The following SUSD6 variants were observed in gnomAD, a reference collection of about 807,000 sequenced individuals.
The protein encoded by SUSD6 is sushi domain-containing protein 6.
Under a neutral mutation model 28.4 loss-of-function variants are expected in SUSD6, and 16 were observed. The observed-to-expected ratio is 0.56, with a 90% CI of 0.38 to 0.86. The LOEUF is 0.86. Ranked by LOEUF, SUSD6 falls within the 40% of genes least tolerant of loss-of-function variation. The pLI is 0.00. For synonymous variants in SUSD6, 147 were observed against 159.6 expected, an observed-to-expected ratio of 0.92 and a Z score of 0.59; for missense variants, 341 against 384.2, an observed-to-expected ratio of 0.89 and a Z score of 0.94.
rs1344872574 is a variant in SUSD6, at chr14:69,711,840, T to G, written c.*861T>G. 1 of 152,284 alleles carries G rather than the reference T, an allele frequency of 6.6e-6. No homozygotes were observed. Among genetic ancestry groups the G allele is most frequent in the East Asian group, 1.9e-4 (1 of 5,198 alleles). 9.4% of individuals were successfully genotyped at this position (152,284 alleles called of 1,614,324 possible). On this transcript the variant is annotated 3_prime_UTR_variant, in exon 6 of 6. Coordinates refer to ENST00000342745, the MANE Select transcript of SUSD6 (RefSeq NM_014734.4). ...GGCCTTCCTGGCCTTGTCTTTTTTT[T>G]GTTTCCCTGGAGTATAATGGGAAGT...
chr14:69,708,880 G>C lies in SUSD6; in HGVS notation c.662G>C (p.Gly221Ala). ...VPREQQLPDQ[G>A]ACSSAGGEDE... Reference sequence around the variant, plus strand: ...AGGGAGCAACAGCTGCCGGACCAAGGGGCCTGCTCCTCTGCAGGTGGAGAA... The same window carrying C: ...AGGGAGCAACAGCTGCCGGACCAAGCGGCCTGCTCCTCTGCAGGTGGAGAA... The change falls in exon 5 of 6, where the codon GGG becomes GCG. Residue 221 changes from glycine (G) to alanine (A), a missense_variant. By Grantham distance (60) the Gly-to-Ala change is moderately conservative. Coordinates refer to ENST00000342745, the MANE Select transcript of SUSD6 (RefSeq NM_014734.4). The C allele has an allele frequency of 6.2e-7, 1 of 1,614,144 alleles. No homozygotes were observed. The highest frequency in any genetic ancestry group is 8.5e-7 in the Non-Finnish European group (1 of 1,179,978).
chr14:69,694,486 A>G (rs939424457), intron 2 of SUSD6, among the ~76,000 whole-genome samples: 2 of 152,172 alleles, frequency 1.3e-5, no homozygotes, highest in Admixed American at 1.3e-4. Flanking sequence ...TGTGCTGCTC[A>G]TTGTTTCTCT....
At chr14:69,682,394 A>G (rs959743074) in intron 2 of SUSD6, among the ~76,000 whole-genome samples, 8 of 152,290 alleles carry the variant, frequency 5.3e-5, no homozygotes, top group African/African-American at 1.9e-4. Context: ...TAAGCCTTGC[A>G]TATCAAGCAG....
intron 1 of SUSD6, among the ~76,000 whole-genome samples, chr14:69,647,198 T>G (rs897857667): frequency 6.6e-6 from 1 of 152,224 alleles, no homozygotes; most frequent in Non-Finnish European, 1.5e-5. Flanking sequence ...CACTAACTTT[T>G]GGGAAGGTCA....
At chr14:69,675,844 C>G (rs1885900155) in intron 2 of SUSD6, among the ~76,000 whole-genome samples, 1 of 152,200 alleles carries the variant, frequency 6.6e-6, no homozygotes, top group Non-Finnish European at 1.5e-5. Flanking sequence ...TCTAGAACTC[C>G]TGGCCTGAAG....
chr14:69,628,069 A>T (rs1885141307), intron 1 of SUSD6, among the ~76,000 whole-genome samples: 1 of 151,838 alleles, frequency 6.6e-6, no homozygotes, highest in East Asian at 2.0e-4. Flanking sequence ...CGTAGCTGGG[A>T]TTACAGGCAC....
chr14:69,703,868 G>C, intron 3 of SUSD6: 1 of 516,392 alleles, frequency 1.9e-6, no homozygotes, highest in Non-Finnish European at 3.5e-6. Context: ...AAGTGTTGGT[G>C]ACCCTTGACC....
At chr14:69,670,693 A>G (rs975341487) in intron 2 of SUSD6, among the ~76,000 whole-genome samples, 2 of 152,266 alleles carry the variant, frequency 1.3e-5, no homozygotes, top group African/African-American at 4.8e-5. Context: ...CGTACATACC[A>G]TATAGGGTTG....
At chr14:69,706,276 CT>C (rs766254045) in intron 4 of SUSD6, among the ~76,000 whole-genome samples, 7 of 152,086 alleles carry the variant, frequency 4.6e-5, no homozygotes. Context: ...GTTTTCCCCC[CT>C]ATAGTTAACT....
intron 1 of SUSD6, among the ~76,000 whole-genome samples, chr14:69,640,069 T>C (rs1885329467): frequency 1.3e-5 from 2 of 150,734 alleles, no homozygotes; most frequent in African/African-American, 2.4e-5. Context: ...GTTTATAGTT[T>C]AGTGGGGGAG....
intron 1 of SUSD6, among the ~76,000 whole-genome samples, chr14:69,629,426 A>G (rs1462499769): frequency 6.6e-6 from 1 of 152,146 alleles, no homozygotes; most frequent in Non-Finnish European, 1.5e-5. Flanking sequence ...ATCAGTCAGC[A>G]AAGGCAACAT....
chr14:69,627,631 A>AT (rs1885133399), intron 1 of SUSD6, among the ~76,000 whole-genome samples: 1 of 151,840 alleles, frequency 6.6e-6, no homozygotes, highest in Non-Finnish European at 1.5e-5. Flanking sequence ...CGCCTGGCTA[A>AT]TTTTTTGTAT....
intron 1 of SUSD6, among the ~76,000 whole-genome samples, chr14:69,619,850 C>T (rs1379437618): frequency 6.6e-6 from 1 of 152,144 alleles, no homozygotes; most frequent in African/African-American, 2.4e-5. Flanking sequence ...TGATCCCACA[C>T]CTACACCCCA....
chr14:69,707,981 A>ATACCAGTGTTACTTTTG (rs1425855522), intron 4 of SUSD6, among the ~76,000 whole-genome samples: 1 of 152,156 alleles, frequency 6.6e-6, no homozygotes, highest in Non-Finnish European at 1.5e-5. Context: ...TAGGAGTTTT[A>ATACCAGTGTTACTTTTG]TACCAGTGTT....
intron 2 of SUSD6, among the ~76,000 whole-genome samples, chr14:69,696,841 C>T (rs558929251): frequency 2.0e-5 from 3 of 152,250 alleles, no homozygotes; most frequent in African/African-American, 7.2e-5. Flanking sequence ...AGGAGAGGGT[C>T]CTTGGATCTT....
intron 1 of SUSD6, among the ~76,000 whole-genome samples, chr14:69,658,206 C>T (rs1316405834): frequency 6.6e-6 from 1 of 152,246 alleles, no homozygotes; most frequent in Non-Finnish European, 1.5e-5. Flanking sequence ...CAATAGCCGT[C>T]TCTCTGCTGG....
At chr14:69,692,033 C>T (rs1349996886) in intron 2 of SUSD6, among the ~76,000 whole-genome samples, 3 of 142,762 alleles carry the variant, frequency 2.1e-5, no homozygotes, top group Non-Finnish European at 4.5e-5. Flanking sequence ...AGTGAGACTC[C>T]GTCTCAAAAA....
chr14:69,628,520 G>T (rs1226611979), intron 1 of SUSD6, among the ~76,000 whole-genome samples: 1 of 152,152 alleles, frequency 6.6e-6, no homozygotes, highest in African/African-American at 2.4e-5. Context: ...AAAGAAAGAA[G>T]AAAAATCCCC....
chr14:69,617,292 CAAG>C (rs1277871527), intron 1 of SUSD6: 4 of 152,182 alleles, frequency 2.6e-5, no homozygotes, highest in African/African-American at 7.2e-5. Flanking sequence ...TTTCATTTCT[CAAG>C]GAGATACCTT....
Sources: allele counts gnomAD v4.1 joint callset (sites outside exome capture counted in the v4.1 genomes callset), GRCh38; gene constraint gnomAD v4.1.1; transcripts MANE v1.5; gene names NCBI Gene and HGNC (gene_info 2026-07-23, HGNC 2026-07-21).